Variants in ROBO1 observed in about 807,000 individuals in gnomAD.
ROBO1 encodes the protein roundabout homolog 1.
Under a neutral mutation model 195.9 loss-of-function variants are expected in ROBO1, and 149 were observed. That is an observed-to-expected ratio of 0.76 (90% CI 0.67 to 0.87). The LOEUF (loss-of-function observed/expected upper bound fraction) is 0.87, where lower values mean the gene tolerates loss of function less well. Ranked by LOEUF, ROBO1 falls within the 40% of genes least tolerant of loss-of-function variation. The pLI is 0.00. For missense variants in ROBO1, 1,933 were observed against 2,068.3 expected (o/e 0.93, Z 1.27); for synonymous variants, 816 against 733.2 (o/e 1.11, Z -1.82).
intron 2 of ROBO1, among the ~76,000 whole-genome samples, chr3:79,356,275 A>T (rs748179904): frequency 6.6e-6 from 1 of 152,192 alleles, no homozygotes; most frequent in Non-Finnish European, 1.5e-5. Context: ...TGGGAGGTGG[A>T]GGTTGCAGTG....
At chr3:79,653,412 A>AT (rs1283983522) in intron 1 of ROBO1, among the ~76,000 whole-genome samples, 1 of 151,846 alleles carries the variant, frequency 6.6e-6, no homozygotes, top group African/African-American at 2.4e-5. Context: ...CCTCTCTCAT[A>AT]TTTCACTGCC....
At chr3:79,585,053 G>C (rs1943786258) in intron 2 of ROBO1, among the ~76,000 whole-genome samples, 1 of 149,708 alleles carries the variant, frequency 6.7e-6, no homozygotes, top group Non-Finnish European at 1.5e-5. Context: ...CATTTTATTT[G>C]TAGTGACTAT....
intron 1 of ROBO1, among the ~76,000 whole-genome samples, chr3:79,712,397 A>G (rs1702312767): frequency 6.6e-6 from 1 of 152,180 alleles, no homozygotes; most frequent in African/African-American, 2.4e-5. Flanking sequence ...GAAACAAGCC[A>G]CAACATTCCC....
chr3:79,331,522 C>T (rs2034437582), intron 2 of ROBO1, among the ~76,000 whole-genome samples: 1 of 152,058 alleles, frequency 6.6e-6, no homozygotes, highest in South Asian at 2.1e-4. Flanking sequence ...ATGCTCCTTT[C>T]AGCATTCTGA....
chr3:78,927,105 G>T (rs944796216), intron 4 of ROBO1, among the ~76,000 whole-genome samples: 1 of 152,162 alleles, frequency 6.6e-6, no homozygotes, highest in Non-Finnish European at 1.5e-5. Flanking sequence ...ATCAGTGAGA[G>T]AGTGGGATAA....
At chr3:78,740,320 A>T (rs923509175) in intron 5 of ROBO1, among the ~76,000 whole-genome samples, 1 of 150,444 alleles carries the variant, frequency 6.6e-6, no homozygotes, top group African/African-American at 2.5e-5. Flanking sequence ...AATATGCAAT[A>T]GCTATTGTTA....
At chr3:79,248,958 A>G (rs2082673783) in intron 2 of ROBO1, among the ~76,000 whole-genome samples, 1 of 152,188 alleles carries the variant, frequency 6.6e-6, no homozygotes, top group Admixed American at 6.6e-5. Flanking sequence ...GGTTTTAAAC[A>G]TATTGGATTT....
intron 3 of ROBO1, among the ~76,000 whole-genome samples, chr3:79,079,690 G>A (rs944157560): frequency 6.6e-6 from 1 of 151,326 alleles, no homozygotes; most frequent in East Asian, 1.9e-4. Flanking sequence ...TAAATCAAAC[G>A]ACTAATGTTA....
intron 2 of ROBO1, among the ~76,000 whole-genome samples, chr3:79,227,679 C>A (rs539768926): frequency 6.6e-6 from 1 of 152,324 alleles, no homozygotes; most frequent in African/African-American, 2.4e-5. Context: ...CCAGTGCCAA[C>A]AGCTTAGTCT....
chr3:79,230,342 T>TA (rs1160421826), intron 2 of ROBO1, among the ~76,000 whole-genome samples: 1 of 152,154 alleles, frequency 6.6e-6, no homozygotes, highest in Non-Finnish European at 1.5e-5. Context: ...CTTCCTTATA[T>TA]AAAACCACAA....
chr3:79,597,374 A>G (rs925670085), intron 1 of ROBO1, among the ~76,000 whole-genome samples: 4 of 152,032 alleles, frequency 2.6e-5, no homozygotes, highest in Non-Finnish European at 5.9e-5. Flanking sequence ...AATTACTACC[A>G]AACTCTTTTC....
intron 2 of ROBO1, among the ~76,000 whole-genome samples, chr3:79,395,730 G>A (rs1559869172): frequency 6.6e-6 from 1 of 151,988 alleles, no homozygotes; most frequent in African/African-American, 2.4e-5. Flanking sequence ...ATGACAGTAT[G>A]TGTTTCCTAA....
At chr3:79,641,588 A>G (rs1945663350) in intron 1 of ROBO1, among the ~76,000 whole-genome samples, 1 of 152,050 alleles carries the variant, frequency 6.6e-6, no homozygotes, top group South Asian at 2.1e-4. Context: ...TAAGAAACGA[A>G]ACAGTGACTG....
intron 2 of ROBO1, among the ~76,000 whole-genome samples, chr3:79,406,227 G>A (rs1411142991): frequency 6.8e-6 from 1 of 146,392 alleles, no homozygotes; most frequent in East Asian, 2.0e-4. Flanking sequence ...TCAAGTCTGG[G>A]AACATAGTGG....
chr3:79,603,442 C>G (rs1331275068), intron 1 of ROBO1, among the ~76,000 whole-genome samples: 3 of 151,926 alleles, frequency 2.0e-5, no homozygotes, highest in African/African-American at 4.8e-5. Context: ...AGAGTTACCC[C>G]TCTGTGACTC....
chr3:79,026,504 A>T (rs903305026), intron 3 of ROBO1, among the ~76,000 whole-genome samples: 77 of 152,208 alleles, frequency 5.1e-4, no homozygotes, highest in Admixed American at 1.4e-3. Context: ...TGAAGTAAGA[A>T]GTTCAAAGCT....
At chr3:79,221,313 G>T (rs530444015) in intron 2 of ROBO1, among the ~76,000 whole-genome samples, 11 of 152,116 alleles carry the variant, frequency 7.2e-5, no homozygotes, top group African/African-American at 2.4e-4. Flanking sequence ...TTGAAAAAGG[G>T]AGAAACTGGG....
intron 5 of ROBO1, among the ~76,000 whole-genome samples, chr3:78,724,257 G>C (rs77810343): frequency 6.9e-4 from 105 of 152,042 alleles, no homozygotes; most frequent in African/African-American, 2.4e-3. Context: ...TACTCTCAAC[G>C]GTCACAAATA....
At chr3:79,288,201 A>T (rs1005806024) in intron 2 of ROBO1, among the ~76,000 whole-genome samples, 3 of 152,170 alleles carry the variant, frequency 2.0e-5, no homozygotes, top group African/African-American at 7.2e-5. Flanking sequence ...GAAAGGTTTA[A>T]AAGTCCTGAA....
Sources: allele counts gnomAD v4.1 joint callset (sites outside exome capture counted in the v4.1 genomes callset), GRCh38; gene constraint gnomAD v4.1.1; transcripts MANE v1.5; gene names NCBI Gene and HGNC (gene_info 2026-07-23, HGNC 2026-07-21).